Variants in RANBP2 observed in about 807,000 individuals in gnomAD.
The protein encoded by RANBP2 is E3 SUMO-protein ligase RanBP2.
In RANBP2, 57 loss-of-function variants were observed where a neutral mutation model predicts 303.6. The ratio of observed to expected loss-of-function variants is 0.19; its 90% CI spans 0.15 to 0.23. The LOEUF is 0.23. Among genes scored for constraint, RANBP2 ranks in the 10% least tolerant of loss-of-function variants. RANBP2 has a pLI of 1.00. For missense variants in RANBP2, 3,138 were observed against 3,780.8 expected (o/e 0.83, Z 4.46); for synonymous variants, 1,167 against 1,301.5 (o/e 0.90, Z 2.23).
the RANBP2 span, among the ~76,000 whole-genome samples, chr2:109,261,222 C>T: frequency 3.1e-3 from 474 of 152,164 alleles, 10 homozygotes; most frequent in East Asian, 0.039. Flanking sequence ...AGGTGTAAAG[C>T]GAGGGCCCTG....
At chr2:109,707,180 C>A in the RANBP2 span, among the ~76,000 whole-genome samples, 1,546 of 152,180 alleles carry the variant, frequency 0.01, 31 homozygotes, top group African/African-American at 0.034. Flanking sequence ...GCCTAGTAAC[C>A]CCCTTGCAGG....
At chr2:109,553,070 C>A in the RANBP2 span, 1 of 1,607,136 alleles carries the variant, frequency 6.2e-7, no homozygotes, top group East Asian at 2.2e-5. Context: ...CAAATCACAT[C>A]AAACCAGCAT....
the RANBP2 span, among the ~76,000 whole-genome samples, chr2:109,507,007 C>G: frequency 6.6e-6 from 1 of 152,182 alleles, no homozygotes. Flanking sequence ...TGGGCAGGGT[C>G]CATGCCAGTC....
chr2:108,862,500 T>G, the RANBP2 span, among the ~76,000 whole-genome samples: 1 of 152,168 alleles, frequency 6.6e-6, no homozygotes, highest in Non-Finnish European at 1.5e-5. Flanking sequence ...TGATTACAGT[T>G]AATAACAAGT....
chr2:109,398,918 A>G, the RANBP2 span: 1 of 1,612,934 alleles, frequency 6.2e-7, no homozygotes, highest in Non-Finnish European at 8.5e-7. Flanking sequence ...GACCTTGCTC[A>G]TCTGTCGTGC....
chr2:109,615,364 G>C, the RANBP2 span: 2 of 1,612,932 alleles, frequency 1.2e-6, no homozygotes, highest in African/African-American at 1.3e-5. Flanking sequence ...TGCGAGCCCG[G>C]CCTGCTGGTC....
chr2:108,832,989 C>T, the RANBP2 span, among the ~76,000 whole-genome samples: 1 of 152,274 alleles, frequency 6.6e-6, no homozygotes, highest in South Asian at 2.1e-4. Flanking sequence ...ACCTTAAATG[C>T]ACATTGCTCA....
At chr2:108,991,688 C>T in the RANBP2 span, among the ~76,000 whole-genome samples, 1 of 152,192 alleles carries the variant, frequency 6.6e-6, no homozygotes, top group Non-Finnish European at 1.5e-5. Flanking sequence ...TTTAGAGAGT[C>T]AATGGACTCC....
the RANBP2 span, among the ~76,000 whole-genome samples, chr2:109,428,226 G>A: frequency 6.6e-6 from 1 of 152,362 alleles, no homozygotes; most frequent in African/African-American, 2.4e-5. Context: ...TATTTTAGAA[G>A]ACGTATGAGC....
At position 108,781,395 on chromosome 2, in the gene RANBP2, A is replaced by G; in HGVS notation, c.8726A>G (p.Asp2909Gly). Residue 2909 changes from aspartate (D) to glycine (G), a missense_variant, in exon 26 of 29, where the codon GAT (aspartate) becomes GGT (glycine). Around this residue, in one of 20 missense-constraint regions of RANBP2, gnomAD observed 68 missense variants for 117.4 expected, o/e 0.58. Coordinates refer to ENST00000283195, the MANE Select transcript of RANBP2 (RefSeq NM_006267.5). The part of the protein sequence containing the change: ...GSDEEVVHNE[D>G]IHFEPIVSLP... ...GATGAAGAAGTAGTTCATAATGAAG[A>G]TATCCATTTTGAACCAATAGTGTCA... 1 of 1,614,166 alleles carries G rather than the reference A, an allele frequency of 6.2e-7. No individual in the cohort carries two copies. The highest frequency in any genetic ancestry group is 8.5e-7 in the Non-Finnish European group (1 of 1,180,014).
chr2:109,181,636 A>G, the RANBP2 span, among the ~76,000 whole-genome samples: 1 of 152,184 alleles, frequency 6.6e-6, no homozygotes, highest in Non-Finnish European at 1.5e-5. Context: ...CCTGCAGTAG[A>G]TGCCTGTTGC....
At chr2:109,434,724 G>A in the RANBP2 span, among the ~76,000 whole-genome samples, 1 of 152,196 alleles carries the variant, frequency 6.6e-6, no homozygotes, top group Non-Finnish European at 1.5e-5. Flanking sequence ...CAGCCCACTG[G>A]CAAGTTCTAC....
At chr2:108,954,963 C>A in the RANBP2 span, among the ~76,000 whole-genome samples, 1 of 152,250 alleles carries the variant, frequency 6.6e-6, no homozygotes, top group Admixed American at 6.5e-5. Context: ...GGATTACATG[C>A]GTGAGCCACC....
the RANBP2 span, among the ~76,000 whole-genome samples, chr2:109,018,871 T>C: frequency 1.3e-5 from 2 of 152,252 alleles, no homozygotes; most frequent in African/African-American, 4.8e-5. Flanking sequence ...CCAGTAAAGT[T>C]CTATGAGGAG....
chr2:109,347,321 A>T, the RANBP2 span, among the ~76,000 whole-genome samples: 1 of 152,182 alleles, frequency 6.6e-6, no homozygotes, highest in South Asian at 2.1e-4. Flanking sequence ...GCCTTAGGAA[A>T]GTCACCTTCC....
the RANBP2 span, among the ~76,000 whole-genome samples, chr2:109,392,762 A>G: frequency 1.3e-5 from 2 of 151,276 alleles, no homozygotes; most frequent in Non-Finnish European, 2.9e-5. Context: ...TGATCCGCCC[A>G]CCTCAGCCTC....
the RANBP2 span, among the ~76,000 whole-genome samples, chr2:109,073,358 C>A: frequency 2.6e-5 from 4 of 152,024 alleles, no homozygotes; most frequent in African/African-American, 7.3e-5. Flanking sequence ...ATCATTCAGT[C>A]ACAGCATTAA....
At chr2:109,668,980 T>C in the RANBP2 span, among the ~76,000 whole-genome samples, 2 of 152,154 alleles carry the variant, frequency 1.3e-5, no homozygotes, top group Non-Finnish European at 2.9e-5. Context: ...GAAGCTGCAG[T>C]AACCAAATCT....
the RANBP2 span, among the ~76,000 whole-genome samples, chr2:109,412,688 T>G: frequency 3.3e-5 from 5 of 152,382 alleles, no homozygotes; most frequent in African/African-American, 1.2e-4. Context: ...CCTCAAGTGT[T>G]AACTCTGTTA....
Sources: allele counts gnomAD v4.1 joint callset (sites outside exome capture counted in the v4.1 genomes callset), GRCh38; gene constraint gnomAD v4.1.1; regional missense constraint gnomAD v4.1.1; transcripts MANE v1.5; gene names NCBI Gene and HGNC (gene_info 2026-07-23, HGNC 2026-07-21).